RALYL: variants seen among roughly 807,000 people sequenced by gnomAD.
The protein encoded by RALYL is RALY RNA binding protein like, also known as RNA-binding Raly-like protein.
A neutral mutation model predicts 35.1 loss-of-function variants in RALYL; 29 were observed. The observed-to-expected ratio is 0.83, with a 90% CI of 0.61 to 1.13. RALYL has a LOEUF of 1.13. Among genes scored for constraint, RALYL ranks in the 50% most tolerant of loss-of-function variants. The pLI, the probability that RALYL is intolerant of heterozygous loss-of-function variation, is 0.00. For missense variants in RALYL, 359 were observed against 360.4 expected (o/e 1.00, Z 0.03); for synonymous variants, 120 against 127.6 (o/e 0.94, Z 0.40).
chr8:84,684,020 C>T (rs757893812), intron 2 of RALYL, among the ~76,000 whole-genome samples: 1 of 152,080 alleles, frequency 6.6e-6, no homozygotes, highest in African/African-American at 2.4e-5. Flanking sequence ...TGTTTTTGAT[C>T]AGAGCATGGT....
chr8:84,731,561 T>G (rs112055612), intron 2 of RALYL, among the ~76,000 whole-genome samples: 64 of 152,204 alleles, frequency 4.2e-4, no homozygotes, highest in African/African-American at 1.5e-3. Context: ...TCCATCCAAT[T>G]CTCTCCACTT....
intron 1 of RALYL, among the ~76,000 whole-genome samples, chr8:84,514,359 TCTATCTATG>T (rs1428951034): frequency 6.6e-6 from 1 of 152,154 alleles, no homozygotes; most frequent in Non-Finnish European, 1.5e-5. Flanking sequence ...TAAGTGGCCG[TCTATCTATG>T]CTGGTATAAC....
intron 2 of RALYL, among the ~76,000 whole-genome samples, chr8:84,553,376 A>C (rs370292060): frequency 6.6e-6 from 1 of 152,150 alleles, no homozygotes. Flanking sequence ...TTGCCCAGGC[A>C]GGTCTCTTGG....
chr8:84,532,957 T>C (rs2059368361), intron 2 of RALYL, among the ~76,000 whole-genome samples: 1 of 152,100 alleles, frequency 6.6e-6, no homozygotes, highest in African/African-American at 2.4e-5. Context: ...GTCTTTGATA[T>C]ATAATAGAAG....
At chr8:84,525,953 CTTTTTTTTT>C (rs35794329) in intron 1 of RALYL, among the ~76,000 whole-genome samples, 1 of 104,866 alleles carries the variant, frequency 9.5e-6, no homozygotes, top group African/African-American at 3.8e-5. Flanking sequence ...TTTCTTTTTT[CTTTTTTTTT>C]TTTTTTTTTT....
chr8:84,279,311 C>A (rs772372634), intron 1 of RALYL, among the ~76,000 whole-genome samples: 1 of 152,148 alleles, frequency 6.6e-6, no homozygotes, highest in Non-Finnish European at 1.5e-5. Context: ...CGAACCATAT[C>A]ACTTACTATG....
intron 1 of RALYL, among the ~76,000 whole-genome samples, chr8:84,480,247 G>A (rs2053901919): frequency 6.6e-6 from 1 of 152,052 alleles, no homozygotes; most frequent in Non-Finnish European, 1.5e-5. Context: ...ATCTGGAAAA[G>A]ATGAAATACA....
At chr8:84,289,027 G>T (rs1022191285) in intron 1 of RALYL, among the ~76,000 whole-genome samples, 1 of 152,126 alleles carries the variant, frequency 6.6e-6, no homozygotes, top group South Asian at 2.1e-4. Flanking sequence ...AAGCGCTGGG[G>T]TGAGCTGGAG....
intron 3 of RALYL, among the ~76,000 whole-genome samples, chr8:84,802,658 G>A (rs1227551491): frequency 6.6e-6 from 1 of 152,148 alleles, no homozygotes; most frequent in East Asian, 1.9e-4. Context: ...AACACATTCT[G>A]AACTCAGTAT....
chr8:84,516,218 A>T (rs1260286846), intron 1 of RALYL, among the ~76,000 whole-genome samples: 1 of 148,556 alleles, frequency 6.7e-6, no homozygotes, highest in Non-Finnish European at 1.5e-5. Context: ...GAGCTAAATT[A>T]TATCACAGGG....
intron 3 of RALYL, among the ~76,000 whole-genome samples, chr8:84,795,298 C>G (rs536076799): frequency 6.6e-6 from 1 of 152,302 alleles, no homozygotes; most frequent in South Asian, 2.1e-4. Context: ...TATTAAGACT[C>G]AATGTCTTAA....
chr8:84,603,602 G>A (rs1234124240), intron 2 of RALYL, among the ~76,000 whole-genome samples: 1 of 152,104 alleles, frequency 6.6e-6, no homozygotes, highest in Non-Finnish European at 1.5e-5. Flanking sequence ...AGAGGCAGGA[G>A]AAGTGAAGTA....
intron 8 of RALYL, among the ~76,000 whole-genome samples, chr8:84,911,452 T>C (rs1847499478): frequency 6.6e-6 from 1 of 152,194 alleles, no homozygotes; most frequent in Non-Finnish European, 1.5e-5. Flanking sequence ...AGCATAGAGA[T>C]AAGAAGATTT....
chr8:84,340,025 T>C (rs767956264), intron 1 of RALYL, among the ~76,000 whole-genome samples: 7 of 152,018 alleles, frequency 4.6e-5, no homozygotes, highest in Non-Finnish European at 7.4e-5. Flanking sequence ...ATAATTCTCA[T>C]GAGATCTGAT....
At chr8:84,518,148 C>T (rs1237368220) in intron 1 of RALYL, among the ~76,000 whole-genome samples, 9 of 152,100 alleles carry the variant, frequency 5.9e-5, no homozygotes, top group South Asian at 2.1e-4. Context: ...TGAACTAAGA[C>T]GTAGTGGTAT....
chr8:84,581,224 A>G (rs1810753475), intron 2 of RALYL, among the ~76,000 whole-genome samples: 1 of 152,186 alleles, frequency 6.6e-6, no homozygotes, highest in African/African-American at 2.4e-5. Flanking sequence ...CATTAAGTTC[A>G]GTTGTTATTC....
intron 2 of RALYL, among the ~76,000 whole-genome samples, chr8:84,608,453 C>T (rs1327219252): frequency 6.6e-6 from 1 of 152,074 alleles, no homozygotes; most frequent in Non-Finnish European, 1.5e-5. Flanking sequence ...GCTGTTTTGT[C>T]AGCTTTTTCT....
At chr8:84,484,016 A>G (rs1251442909) in intron 1 of RALYL, among the ~76,000 whole-genome samples, 1 of 152,114 alleles carries the variant, frequency 6.6e-6, no homozygotes, top group Non-Finnish European at 1.5e-5. Flanking sequence ...AAATCGGCAC[A>G]TGTTTAATGC....
At chr8:84,852,456 A>G (rs1836062521) in intron 5 of RALYL, among the ~76,000 whole-genome samples, 1 of 152,178 alleles carries the variant, frequency 6.6e-6, no homozygotes, top group African/African-American at 2.4e-5. Flanking sequence ...TTTTTATACT[A>G]TTTGAAAATG....
Sources: allele counts gnomAD v4.1 joint callset (sites outside exome capture counted in the v4.1 genomes callset), GRCh38; gene constraint gnomAD v4.1.1; transcripts MANE v1.5; gene names NCBI Gene and HGNC (gene_info 2026-07-23, HGNC 2026-07-21).